Variants in SH2B3 observed in about 807,000 individuals in gnomAD.
SH2B3 encodes the protein SH2B adaptor protein 3.
SH2B3 carries 43 observed loss-of-function variants against 51.9 expected under a neutral mutation model. That is an observed-to-expected ratio of 0.83 (90% CI 0.65 to 1.07). SH2B3 has a LOEUF of 1.07. Among genes scored for constraint, SH2B3 ranks in the 50% least tolerant of loss-of-function variants. The pLI is 0.00. For missense variants in SH2B3, 952 were observed against 834.3 expected, an observed-to-expected ratio of 1.14 and a Z score of -1.74; for synonymous variants, 396 against 376.0, an observed-to-expected ratio of 1.05 and a Z score of -0.62.
rs1874358470 is a variant in SH2B3, at chr12:111,449,180, A to C, written c.*878A>C. 6.6e-6 allele frequency: 1 copy of C among 152,662 alleles called. No homozygotes were observed. Among genetic ancestry groups the C allele is most frequent in the Admixed American group, 6.5e-5 (1 of 15,282 alleles). 9.5% of individuals were successfully genotyped at this position (152,662 alleles called of 1,614,324 possible). ...AACAGTTCTATCCTGGTGCCTTACG[A>C]ATAAAAAACTGGATTCTGGTTTACA... On this transcript the variant is annotated 3_prime_UTR_variant, in exon 8 of 8. Coordinates refer to ENST00000341259, the MANE Select transcript of SH2B3 (RefSeq NM_005475.3).
At position 111,435,096 on chromosome 12, in the gene SH2B3, G is replaced by T. The variant is rs539930491; in HGVS notation, c.733-11657G>T. 14 of 1,267,962 alleles carry T rather than the reference G, an allele frequency of 1.1e-5. No homozygotes were observed. In the South Asian group the frequency reaches 1.8e-4, roughly 16 times the overall value. 78.5% of individuals were successfully genotyped at this position (1,267,962 alleles called of 1,614,324 possible). ...GGTGATGAGTCCCCTCTCCTCTGGT[G>T]CACTCTCCCCACCCGAGACGGGCGA... On this transcript the variant is annotated intron_variant, in intron 2 of 7. Coordinates refer to ENST00000341259, the MANE Select transcript of SH2B3 (RefSeq NM_005475.3). This position sits in a 1 kb window ranked among gnomAD's most constrained non-coding sequence, Gnocchi z 4.8.
Position 111,429,630 on chromosome 12 carries a change from G to A in SH2B3, c.732+10753G>A, listed in dbSNP as rs1399068157. Among the ~76,000 whole-genome samples, 7 of 152,184 alleles carry A rather than the reference G, an allele frequency of 4.6e-5. No individual in the cohort carries two copies. Among genetic ancestry groups the A allele is most frequent in the African/African-American group, 1.2e-4 (5 of 41,446 alleles). On this transcript the variant is annotated intron_variant, in intron 2 of 7. Coordinates refer to ENST00000341259, the MANE Select transcript of SH2B3 (RefSeq NM_005475.3). This position sits in a 1 kb window ranked among gnomAD's most constrained non-coding sequence, Gnocchi z 4.4. ...ATTACAGGCGTGAGCTACCGCGCCC[G>A]GCCCATTTTTATTAATTGGTTTTCA...
intron 2 of SH2B3, among the ~76,000 whole-genome samples, 160 bp downstream of exon 2, chr12:111,419,037 G>A (rs973230170): frequency 2.0e-5 from 3 of 152,240 alleles, no homozygotes; most frequent in Admixed American, 2.0e-4. Context: ...TAGGCCGAGT[G>A]CAATGGCTTA....
intron 2 of SH2B3, among the ~76,000 whole-genome samples, chr12:111,419,426 C>T (rs1871362143): frequency 6.6e-6 from 1 of 152,152 alleles, no homozygotes; most frequent in Admixed American, 6.5e-5. Context: ...CATTTGAGGC[C>T]AGGGGTTCAA....
At chr12:111,446,483 C>T (rs1288206308) in intron 2 of SH2B3, among the ~76,000 whole-genome samples, 1 of 152,192 alleles carries the variant, frequency 6.6e-6, no homozygotes, top group East Asian at 1.9e-4. Context: ...AGACACATGG[C>T]AGAGTGGGAA....
chr12:111,433,442 TGA>T (rs900579195), intron 2 of SH2B3, among the ~76,000 whole-genome samples: 5 of 152,236 alleles, frequency 3.3e-5, no homozygotes, highest in African/African-American at 1.2e-4. Context: ...CATCATTGCG[TGA>T]GAGGACTCCA....
In SH2B3 at chr12:111,429,598, T is replaced by C. The variant is rs1872295732; in HGVS notation, c.732+10721T>C. Reference sequence around the variant, plus strand: ...GTCCATCTGCCTCGGCCTCCCAAAGTGCTAGGATTACAGGCGTGAGCTACC... The same window carrying C: ...GTCCATCTGCCTCGGCCTCCCAAAGCGCTAGGATTACAGGCGTGAGCTACC... On this transcript the variant is annotated intron_variant, in intron 2 of 7. Coordinates refer to ENST00000341259, the MANE Select transcript of SH2B3 (RefSeq NM_005475.3). This position sits in a 1 kb window ranked among gnomAD's most constrained non-coding sequence, Gnocchi z 4.4. Among the ~76,000 whole-genome samples, 1 of 152,188 alleles carries C rather than the reference T, an allele frequency of 6.6e-6. No individual in the cohort carries two copies. The highest frequency in any genetic ancestry group is 1.5e-5 in the Non-Finnish European group (1 of 68,022).
At chr12:111,421,771 C>G (rs1354402443) in intron 2 of SH2B3, among the ~76,000 whole-genome samples, 3 of 152,120 alleles carry the variant, frequency 2.0e-5, no homozygotes, top group Non-Finnish European at 4.4e-5. Flanking sequence ...GTCTCCATGT[C>G]CCACAACTGG....
At position 111,418,762 on chromosome 12, in the gene SH2B3, C is replaced by T. The variant is rs1299251502; in HGVS notation, c.617C>T (p.Ala206Val). The T allele has an allele frequency of 1.4e-6, 2 of 1,478,256 alleles. No individual in the cohort carries two copies. The highest frequency in any genetic ancestry group is 8.9e-7 in the Non-Finnish European group (1 of 1,122,760). The allele number at this position is 1,478,256 out of a possible 1,614,324, so 91.6% of individuals were successfully genotyped here. A position where few individuals can be genotyped will look rare whatever the true frequency, so the allele number is the denominator to read the frequency against. Reference sequence around the variant, plus strand: ...GAGGCGGTGCTGCGCTACAGCCTGGCCGACGAGGCCTCCATGGACAGCGGG... The same window carrying T: ...GAGGCGGTGCTGCGCTACAGCCTGGTCGACGAGGCCTCCATGGACAGCGGG... ...LKEAVLRYSLADEASMDSGAR... is the reference protein window; with the variant it reads ...LKEAVLRYSLVDEASMDSGAR... Residue 206 changes from alanine to valine, a missense_variant, in exon 2 of 8, where the codon GCC becomes GTC. Physicochemically the swap from Ala to Val is moderately conservative, Grantham distance 64 (BLOSUM62 0). Coordinates refer to ENST00000341259, the MANE Select transcript of SH2B3 (RefSeq NM_005475.3). The surrounding 1 kb of genome is among the most constrained non-coding windows in gnomAD (Gnocchi z 6.7).
In SH2B3 at chr12:111,410,174, C is replaced by T. The variant is rs1870584530; in HGVS notation, c.-28+3897C>T. Among the ~76,000 whole-genome samples, 1 of 152,126 alleles carries T rather than the reference C, an allele frequency of 6.6e-6. No individual in the cohort carries two copies. The highest frequency in any genetic ancestry group is 1.5e-5 in the Non-Finnish European group (1 of 67,998). On this transcript the variant is annotated intron_variant, in intron 1 of 7. Coordinates refer to ENST00000341259, the MANE Select transcript of SH2B3 (RefSeq NM_005475.3). This position sits in a 1 kb window ranked among gnomAD's most constrained non-coding sequence, Gnocchi z 4.9. ...GACTCACAGGCGCCCAATGGGGGGC[C>T]CCAGCTGGGAGACTGGGAATGTGAT...
In SH2B3 at chr12:111,410,707, G is replaced by A. The variant is rs1175662319; in HGVS notation, c.-28+4430G>A. Among the ~76,000 whole-genome samples, 2 of 152,164 alleles carry A rather than the reference G, an allele frequency of 1.3e-5. No individual in the cohort carries two copies. Among genetic ancestry groups the A allele is most frequent in the Non-Finnish European group, 2.9e-5 (2 of 68,028 alleles). Reference sequence around the variant, plus strand: ...TCCAGCCAGCTGCCCCGTGGCCTGGGGTAGAACCCACCTCTCTGCCTCCCC... The same window carrying A: ...TCCAGCCAGCTGCCCCGTGGCCTGGAGTAGAACCCACCTCTCTGCCTCCCC... On this transcript the variant is annotated intron_variant, in intron 1 of 7. Transcript: ENST00000341259. This position sits in a 1 kb window ranked among gnomAD's most constrained non-coding sequence, Gnocchi z 4.9.
chr12:111,417,470 T>TTA lies in SH2B3; in HGVS notation c.-27-647_-27-646dup, dbSNP rs545728619. Among the ~76,000 whole-genome samples, 56 of 151,584 alleles carry TTA rather than the reference T, an allele frequency of 3.7e-4. No individual in the cohort carries two copies. The South Asian group carries it at 0.012, about 32-fold the overall frequency. ...CATATAGGGCCTTTATTTTATTTAT[T>TTA]TATTTATTTATTTATTTATTTTTTG... On this transcript the variant is annotated intron_variant, in intron 1 of 7. Coordinates refer to ENST00000341259, the MANE Select transcript of SH2B3 (RefSeq NM_005475.3).
In SH2B3 at chr12:111,418,169, C is replaced by T; in HGVS notation, c.24C>T (p.Pro8=). ...CCATGAACGGGCCTGCCCTGCAGCC[C>T]TCCTCGCCCTCTTCCGCGCCCTCAG... is the stretch of plus-strand genomic sequence containing the variant. MNGPALQ[P]SSPSSAPSAS... The change falls in exon 2 of 8, where the codon CCC becomes CCT. Residue 8 remains proline (P), a synonymous_variant. Transcript: ENST00000341259. This position sits in a 1 kb window ranked among gnomAD's most constrained non-coding sequence, Gnocchi z 6.7. 6.5e-7 allele frequency: 1 copy of T among 1,546,808 alleles called. No individual in the cohort carries two copies.
At chr12:111,439,176 T>C (rs1053256552) in intron 2 of SH2B3, among the ~76,000 whole-genome samples, 1 of 151,766 alleles carries the variant, frequency 6.6e-6, no homozygotes, top group African/African-American at 2.4e-5. Flanking sequence ...TGAGATGGAG[T>C]TTCGCTTTTG....
intron 2 of SH2B3, among the ~76,000 whole-genome samples, chr12:111,440,950 C>T (rs1025065469): frequency 6.6e-6 from 1 of 152,194 alleles, no homozygotes; most frequent in African/African-American, 2.4e-5. Context: ...CTGTTGCACA[C>T]ACTATGCTCA....
At chr12:111,445,169 G>A (rs927931447) in intron 2 of SH2B3, among the ~76,000 whole-genome samples, 1 of 152,134 alleles carries the variant, frequency 6.6e-6, no homozygotes, top group Non-Finnish European at 1.5e-5. Context: ...GGCCTGGAGC[G>A]GAACTGAAAG....
chr12:111,412,492 G>C (rs1371247882), intron 1 of SH2B3, among the ~76,000 whole-genome samples: 1 of 152,200 alleles, frequency 6.6e-6, no homozygotes, highest in Non-Finnish European at 1.5e-5. Flanking sequence ...TCCGAGGCTG[G>C]AGCTCTTTTC....
In SH2B3 at chr12:111,446,799, T is replaced by C; in HGVS notation, c.779T>C (p.Val260Ala). Residue 260 changes from valine (V) to alanine (A), a missense_variant, in exon 3 of 8, where the codon GTC becomes GCC. Val to Ala is a moderately conservative substitution (Grantham distance 64). Coordinates refer to ENST00000341259, the MANE Select transcript of SH2B3 (RefSeq NM_005475.3). ...GCAGCTTGCTCCAGCATCCAGGAGGTCCGGTGGTGCACACGGCTTGAGATG... is the reference window on the plus strand; with the variant it reads ...GCAGCTTGCTCCAGCATCCAGGAGGCCCGGTGGTGCACACGGCTTGAGATG... ...LQAACSSIQE[V>A]RWCTRLEMPD... 1 of 1,569,566 alleles carries C rather than the reference T, an allele frequency of 6.4e-7. No individual in the cohort carries two copies. The highest frequency in any genetic ancestry group is 8.7e-7 in the Non-Finnish European group (1 of 1,154,882).
chr12:111,447,588 C>T, intron 6 of SH2B3, 44 bp downstream of exon 6: 1 of 1,608,136 alleles, frequency 6.2e-7, no homozygotes, highest in Non-Finnish European at 8.5e-7. Context: ...AGGACCGTGC[C>T]ACCCCTCTCC....
Sources: gnomAD v4.1 joint callset for allele counts (sites outside exome capture counted in the v4.1 genomes callset) on GRCh38, gnomAD v4.1.1 for gene constraint, Gnocchi (gnomAD v3.1) non-coding constraint, MANE v1.5 for transcripts, NCBI Gene and HGNC (gene_info 2026-07-23, HGNC 2026-07-21) for gene names.